SMARCA4: variants seen among roughly 807,000 people sequenced by gnomAD.
SMARCA4 encodes SWI/SNF-related matrix-associated actin-dependent regulator of chromatin subfamily A member 4.
In SMARCA4, 31 loss-of-function variants were observed where a neutral mutation model predicts 193.9. That is an observed-to-expected ratio of 0.16 (90% CI 0.12 to 0.22). The LOEUF (loss-of-function observed/expected upper bound fraction) is 0.22. Ranked by LOEUF, SMARCA4 falls within the 10% of genes least tolerant of loss-of-function variation. SMARCA4 has a pLI of 1.00. For synonymous variants in SMARCA4, 942 were observed against 933.1 expected (o/e 1.01, Z -0.17); for missense variants, 1,148 against 2,296.0 (o/e 0.50, Z 10.22).
chr19:11,048,974 C>T (rs544122796), intron 30 of SMARCA4, among the ~76,000 whole-genome samples: 1 of 152,318 alleles, frequency 6.6e-6, no homozygotes, highest in Non-Finnish European at 1.5e-5. Flanking sequence ...ACATTGTATA[C>T]ACAGAGTGCA....
chr19:11,019,370 G>A lies in SMARCA4; in HGVS notation c.2506-221G>A, dbSNP rs1041599892. ...TGCGTGGTTCCCTCAGGCCCCGGCCGCCGCTGGCCTGCACTGCTTCCTCTT... is the reference window on the plus strand; with the variant it reads ...TGCGTGGTTCCCTCAGGCCCCGGCCACCGCTGGCCTGCACTGCTTCCTCTT... On this transcript the variant is annotated intron_variant, in intron 17 of 34. Transcript: ENST00000344626. This position sits in a 1 kb window ranked among gnomAD's most constrained non-coding sequence, Gnocchi z 6.1. 2.0e-5 allele frequency: 12 copies of A among 607,284 alleles called. No individual in the cohort carries two copies. Among genetic ancestry groups the A allele is most frequent in the Non-Finnish European group, 2.9e-5 (10 of 340,104 alleles). 37.6% of individuals were successfully genotyped at this position (607,284 alleles called of 1,614,324 possible).
chr19:10,976,950 G>A (rs1218793969), intron 1 of SMARCA4, among the ~76,000 whole-genome samples: 1 of 151,972 alleles, frequency 6.6e-6, no homozygotes, highest in Non-Finnish European at 1.5e-5. Context: ...CCAGCTACTC[G>A]GGAGGCTGAG....
At chr19:11,043,119 CCT>C (rs2075713335) in intron 30 of SMARCA4, among the ~76,000 whole-genome samples, 1 of 152,086 alleles carries the variant, frequency 6.6e-6, no homozygotes. Flanking sequence ...GGCGAAACCC[CCT>C]CTCTACTAAA....
Position 10,975,236 on chromosome 19 carries a change from C to T in SMARCA4, c.-31-8885C>T, listed in dbSNP as rs200949644. ...TCTGCTATGTTGGCCAGGCTGGTCC[C>T]GAACTCTTGGCCTCAGGTGATCTGC... On this transcript the variant is annotated intron_variant, in intron 1 of 34. Coordinates refer to ENST00000344626, the MANE Select transcript of SMARCA4 (RefSeq NM_003072.5). Among the ~76,000 whole-genome samples the T allele has an allele frequency of 9.3e-5, 14 of 151,152 alleles. 1 individual carries two copies. In the South Asian group the frequency reaches 1.7e-3, roughly 18 times the overall value.
chr19:11,062,178 G>C lies in SMARCA4; in HGVS notation c.*362G>C, dbSNP rs1467627862. ...TGCGTCACCGTCCACTCCTCCTACT[G>C]TATTTTATTGGACAGGTCAGACTCG... On this transcript the variant is annotated 3_prime_UTR_variant, in exon 35 of 35. Coordinates refer to ENST00000344626, the MANE Select transcript of SMARCA4 (RefSeq NM_003072.5). 2.5e-6 allele frequency: 1 copy of C among 403,250 alleles called. No homozygotes were observed. The highest frequency in any genetic ancestry group is 4.6e-6 in the Non-Finnish European group (1 of 217,080). 25.0% of individuals were successfully genotyped at this position (403,250 alleles called of 1,614,324 possible).
At chr19:11,018,709 C>T (rs2089596984) in intron 16 of SMARCA4, among the ~76,000 whole-genome samples, 1 of 152,250 alleles carries the variant, frequency 6.6e-6, no homozygotes, top group Admixed American at 6.5e-5. Flanking sequence ...GTCCCTACTT[C>T]TCACTCTAAA....
In SMARCA4 at chr19:11,027,842, C is replaced by T. The variant is rs1292810203; in HGVS notation, c.3274C>T (p.Leu1092Phe). 1 of 1,614,042 alleles carries T rather than the reference C, an allele frequency of 6.2e-7. No individual in the cohort carries two copies. Among genetic ancestry groups the T allele is most frequent in the Non-Finnish European group, 8.5e-7 (1 of 1,180,042 alleles). The change falls in exon 24 of 35, where the codon CTC becomes TTC. Residue 1092 changes from leucine (L) to phenylalanine (F), a missense_variant. Leu to Phe is a conservative substitution (Grantham distance 22, BLOSUM62 0). Transcript: ENST00000344626. Reference sequence around the variant, plus strand: ...GCTTCTTGATAGAATTCTTCCCAAACTCCGAGCAACCAACCACAAAGTGCT... The same window carrying T: ...GCTTCTTGATAGAATTCTTCCCAAATTCCGAGCAACCAACCACAAAGTGCT... ...FELLDRILPK[L>F]RATNHKVLLF...
At chr19:10,962,790 A>C (rs1457039274) in intron 1 of SMARCA4, among the ~76,000 whole-genome samples, 1 of 151,240 alleles carries the variant, frequency 6.6e-6, no homozygotes, top group African/African-American at 2.4e-5. Context: ...TGATCCACCC[A>C]CCTCGGCCTC....
intron 8 of SMARCA4, among the ~76,000 whole-genome samples, chr19:10,994,068 C>T (rs1176645502): frequency 6.6e-6 from 1 of 151,916 alleles, no homozygotes; most frequent in Non-Finnish European, 1.5e-5. Context: ...GAGATGGAGT[C>T]TCACTCTGTC....
intron 29 of SMARCA4, among the ~76,000 whole-genome samples, chr19:11,038,402 C>A (rs191717766): frequency 6.6e-6 from 1 of 152,198 alleles, no homozygotes; most frequent in African/African-American, 2.4e-5. Flanking sequence ...GGGGGGCACC[C>A]GCCGCTCCGC....
rs2086217919 is a variant in SMARCA4 at position 10,987,994 on chromosome 19, A to G, written c.1118+70A>G. 8 of 1,526,780 alleles carry G rather than the reference A, an allele frequency of 5.2e-6. No individual in the cohort carries two copies. Among genetic ancestry groups the G allele is most frequent in the Admixed American group, 3.5e-5 (2 of 57,058 alleles). 94.6% of individuals were successfully genotyped at this position (1,526,780 alleles called of 1,614,324 possible). A position where few individuals can be genotyped will look rare whatever the true frequency, so the allele number is the denominator to read the frequency against. The stretch of plus-strand genomic sequence containing the variant: ...CATGTCCCCCTGGGGAAGCCACTCA[A>G]CTTTCTCCCCCACTCTAGCAAACAG... On this transcript the variant is annotated intron_variant, in intron 6 of 34. Coordinates refer to ENST00000344626, the MANE Select transcript of SMARCA4 (RefSeq NM_003072.5). The surrounding 1 kb of genome is among the most constrained non-coding windows in gnomAD (Gnocchi z 5.3).
At chr19:11,029,397 G>A (rs952271308) in intron 24 of SMARCA4, among the ~76,000 whole-genome samples, 1 of 152,242 alleles carries the variant, frequency 6.6e-6, no homozygotes, top group Non-Finnish European at 1.5e-5. Context: ...TGTGTCCTCT[G>A]CATGTGATGT....
chr19:11,056,548 T>A (rs2076558638), intron 30 of SMARCA4, among the ~76,000 whole-genome samples: 1 of 152,098 alleles, frequency 6.6e-6, no homozygotes, highest in South Asian at 2.1e-4. Context: ...CACTCCCACC[T>A]CAATTTCCTC....
Position 10,986,285 on chromosome 19 carries a change from G to A in SMARCA4, c.452G>A (p.Gly151Asp). The change falls in exon 4 of 35, where the codon GGT becomes GAT. Residue 151 changes from glycine to aspartate, a missense_variant. This residue lies in a region of SMARCA4 where 201 missense variants were observed against 248.3 expected (regional missense o/e 0.81). Coordinates refer to ENST00000344626, the MANE Select transcript of SMARCA4 (RefSeq NM_003072.5). This position sits in a 1 kb window ranked among gnomAD's most constrained non-coding sequence, Gnocchi z 6.7. Reference protein sequence around the residue: ...SGPQMSSGPGGAPLDGADPQA... With the variant: ...SGPQMSSGPGDAPLDGADPQA... ...CCCCAGATGTCTTCCGGGCCAGGAG[G>A]TGCCCCGCTGGATGGTGCTGACCCC... is the stretch of plus-strand genomic sequence containing the variant. 1 of 1,613,824 alleles carries A rather than the reference G, an allele frequency of 6.2e-7. No homozygotes were observed. The highest frequency in any genetic ancestry group is 8.5e-7 in the Non-Finnish European group (1 of 1,180,004).
At chr19:11,051,931 C>A (rs2076285940) in intron 30 of SMARCA4, among the ~76,000 whole-genome samples, 1 of 152,032 alleles carries the variant, frequency 6.6e-6, no homozygotes, top group Non-Finnish European at 1.5e-5. Context: ...CCCATCTCTA[C>A]TAAAAGTACA....
At position 11,033,325 on chromosome 19, in the gene SMARCA4, G is replaced by A. The variant is rs1353303245; in HGVS notation, c.3582G>A (p.Gly1194=). The change falls in exon 26 of 35, where the codon GGG becomes GGA. Residue 1194 remains glycine, a synonymous_variant. Transcript: ENST00000344626. This position sits in a 1 kb window ranked among gnomAD's most constrained non-coding sequence, Gnocchi z 9.8. ...CGCAGGACCGAGCCCACCGCATCGGGCAGCAGAACGAGGTGCGTGTGCTCC... is the reference window on the plus strand; with the variant it reads ...CGCAGGACCGAGCCCACCGCATCGGACAGCAGAACGAGGTGCGTGTGCTCC... ...LQAQDRAHRI[G]QQNEVRVLRL... is the part of the protein sequence containing the mutation. 2 of 1,613,112 alleles carry A rather than the reference G, an allele frequency of 1.2e-6. No individual in the cohort carries two copies. Among genetic ancestry groups the A allele is most frequent in the East Asian group, 4.5e-5 (2 of 44,886 alleles).
chr19:11,004,846 T>C (rs971915964), intron 13 of SMARCA4, among the ~76,000 whole-genome samples: 1 of 75,174 alleles, frequency 1.3e-5, no homozygotes, highest in African/African-American at 5.1e-5. Context: ...TTATAGTGCC[T>C]TTTTTTTTTT....
rs536151817 is a variant in SMARCA4 at position 10,984,994 on chromosome 19, G to A, written c.223-279G>A. On this transcript the variant is annotated intron_variant, in intron 2 of 34. Coordinates refer to ENST00000344626, the MANE Select transcript of SMARCA4 (RefSeq NM_003072.5). The surrounding 1 kb of genome is among the most constrained non-coding windows in gnomAD (Gnocchi z 4.3). Reference sequence around the variant, plus strand: ...AAAAGGTGACATTTCTAAGTGTCACGGGCCACAGGAGGTCCCGGGTGGTAG... The same window carrying A: ...AAAAGGTGACATTTCTAAGTGTCACAGGCCACAGGAGGTCCCGGGTGGTAG... Among the ~76,000 whole-genome samples, 2 of 152,284 alleles carry A rather than the reference G, an allele frequency of 1.3e-5. No homozygotes were observed. The highest frequency in any genetic ancestry group is 1.9e-4 in the East Asian group (1 of 5,184).
intron 16 of SMARCA4, among the ~76,000 whole-genome samples, chr19:11,016,252 G>A (rs1214260936): frequency 6.6e-6 from 1 of 151,976 alleles, no homozygotes. Flanking sequence ...AGTACAGGCC[G>A]TTCACGAGGG....
Sources: allele counts gnomAD v4.1 joint callset (sites outside exome capture counted in the v4.1 genomes callset), GRCh38; gene constraint gnomAD v4.1.1; regional missense constraint gnomAD v4.1.1; non-coding constraint Gnocchi (gnomAD v3.1); transcripts MANE v1.5; gene names NCBI Gene and HGNC (gene_info 2026-07-23, HGNC 2026-07-21).